Variants in PRKCB observed in about 807,000 individuals in gnomAD.
PRKCB encodes protein kinase C beta, also known as protein kinase C beta type.
In PRKCB, 13 loss-of-function variants were observed where a neutral mutation model predicts 81.5. The ratio of observed to expected loss-of-function variants is 0.16; its 90% CI spans 0.10 to 0.25. The LOEUF is 0.25. Among genes scored for constraint, PRKCB ranks in the 10% least tolerant of loss-of-function variants. The pLI, the probability that PRKCB is intolerant of heterozygous loss-of-function variation, is 1.00. For synonymous variants in PRKCB, 335 were observed against 321.4 expected, an observed-to-expected ratio of 1.04 and a Z score of -0.45; for missense variants, 509 against 875.7, an observed-to-expected ratio of 0.58 and a Z score of 5.29.
Position 24,210,504 on chromosome 16 carries a change from T to C in PRKCB, c.1864-4154T>C, listed in dbSNP as rs939253106. Among the ~76,000 whole-genome samples the C allele has an allele frequency of 3.4e-5, 5 of 147,016 alleles. No homozygotes were observed. In the East Asian group the frequency reaches 9.8e-4, roughly 29 times the overall value. On this transcript the variant is annotated intron_variant, in intron 16 of 16. Coordinates refer to ENST00000643927, the MANE Select transcript of PRKCB (RefSeq NM_002738.7). ...TCCATCCCCTGGACTTTCTTCTTCTTTTTTTTTTTTTTGAGACAGAGTCTC... is the reference window on the plus strand; with the variant it reads ...TCCATCCCCTGGACTTTCTTCTTCTCTTTTTTTTTTTTGAGACAGAGTCTC...
intron 2 of PRKCB, among the ~76,000 whole-genome samples, chr16:23,928,667 A>G (rs1193769326): frequency 2.0e-5 from 3 of 151,664 alleles, no homozygotes; most frequent in Non-Finnish European, 4.4e-5. Context: ...GGGACTGGGG[A>G]GGGCTTCCTG....
intron 16 of PRKCB, among the ~76,000 whole-genome samples, chr16:24,194,189 C>T (rs972660921): frequency 6.6e-6 from 1 of 151,980 alleles, no homozygotes; most frequent in South Asian, 2.1e-4. Flanking sequence ...TAGCTAGATG[C>T]GATGGCATGC....
At chr16:23,939,890 C>T (rs1006917400) in intron 2 of PRKCB, among the ~76,000 whole-genome samples, 22 of 152,062 alleles carry the variant, frequency 1.4e-4, no homozygotes, top group Admixed American at 1.4e-3. Flanking sequence ...TTCTGCAAAA[C>T]GCTGTTGAGA....
chr16:23,982,766 G>A (rs998887655), intron 2 of PRKCB, among the ~76,000 whole-genome samples: 2 of 152,170 alleles, frequency 1.3e-5, no homozygotes, highest in African/African-American at 4.8e-5. Context: ...AATAAGGGAG[G>A]GTGGGAGGTG....
intron 3 of PRKCB, among the ~76,000 whole-genome samples, chr16:23,989,367 G>A (rs1384808300): frequency 6.6e-6 from 1 of 152,182 alleles, no homozygotes; most frequent in Non-Finnish European, 1.5e-5. Flanking sequence ...TTCCAGGCGT[G>A]AGCCAGTGCA....
intron 4 of PRKCB, among the ~76,000 whole-genome samples, chr16:24,034,536 C>T (rs1965589034): frequency 6.6e-6 from 1 of 152,234 alleles, no homozygotes; most frequent in Non-Finnish European, 1.5e-5. Flanking sequence ...GAGTGGATAT[C>T]CTATAACATG....
At chr16:23,915,307 G>C (rs1963721530) in intron 2 of PRKCB, among the ~76,000 whole-genome samples, 1 of 152,140 alleles carries the variant, frequency 6.6e-6, no homozygotes, top group African/African-American at 2.4e-5. Flanking sequence ...CCCCTATGCT[G>C]TCCCTCCAAA....
chr16:23,987,165 G>A lies in PRKCB; in HGVS notation c.206-1343G>A, dbSNP rs1025804241. ...TAGTTGATATGGGTTGATAGGTGCAGCAAACCACCATGGCACATGTATACC... is the reference window on the plus strand; with the variant it reads ...TAGTTGATATGGGTTGATAGGTGCAACAAACCACCATGGCACATGTATACC... On this transcript the variant is annotated intron_variant, in intron 2 of 16. Coordinates refer to ENST00000643927, the MANE Select transcript of PRKCB (RefSeq NM_002738.7). Among the ~76,000 whole-genome samples, 7 of 152,152 alleles carry A rather than the reference G, an allele frequency of 4.6e-5. 1 individual carries two copies. In the East Asian group the frequency reaches 1.3e-3, roughly 29 times the overall value.
chr16:23,875,500 TATATATG>T (rs376505484), intron 2 of PRKCB, among the ~76,000 whole-genome samples: 54,521 of 79,854 alleles, frequency 0.68, 20,168 homozygotes, highest in East Asian at 0.83. Context: ...TATATATATA[TATATATG>T]ATGTATATCA....
chr16:24,021,032 C>CTT (rs1401984747), intron 3 of PRKCB, among the ~76,000 whole-genome samples: 1 of 139,386 alleles, frequency 7.2e-6, no homozygotes, highest in Non-Finnish European at 1.5e-5. Flanking sequence ...TTCTTTCTTT[C>CTT]TTTCTTTCTC....
chr16:23,953,825 GCATA>G (rs1203408478), intron 2 of PRKCB, among the ~76,000 whole-genome samples: 1 of 151,816 alleles, frequency 6.6e-6, no homozygotes, highest in African/African-American at 2.4e-5. Flanking sequence ...CTCTCAAGGA[GCATA>G]TAGTCAAAGA....
rs183797639 is a variant in PRKCB, at chr16:24,029,236, T to G, written c.289-2900T>G. Among the ~76,000 whole-genome samples the G allele has an allele frequency of 2.7e-3, 416 of 152,360 alleles. 2 individuals are homozygous for G. Among genetic ancestry groups the G allele is most frequent in the Non-Finnish European group, 3.9e-3 (265 of 68,030 alleles). On this transcript the variant is annotated intron_variant, in intron 3 of 16. Transcript: ENST00000643927. Reference sequence around the variant, plus strand: ...TGGTAGGTATGTGATATGGTTAGGCTTTGTGTCCCCACCTAAATCTCATCT... The same window carrying G: ...TGGTAGGTATGTGATATGGTTAGGCGTTGTGTCCCCACCTAAATCTCATCT...
At chr16:23,909,574 T>C (rs905676619) in intron 2 of PRKCB, among the ~76,000 whole-genome samples, 5 of 152,188 alleles carry the variant, frequency 3.3e-5, no homozygotes. Context: ...ACCCAAATAA[T>C]GTACATTGTA....
intron 2 of PRKCB, among the ~76,000 whole-genome samples, chr16:23,957,623 C>G (rs947682525): frequency 7.2e-5 from 11 of 152,098 alleles, no homozygotes; most frequent in Admixed American, 2.0e-4. Context: ...TCGTCTGTTC[C>G]TGGAGATTTT....
chr16:24,044,594 G>T (rs1965742721), intron 5 of PRKCB, among the ~76,000 whole-genome samples: 1 of 152,140 alleles, frequency 6.6e-6, no homozygotes, highest in African/African-American at 2.4e-5. Flanking sequence ...TACAGATATT[G>T]GTGTAAAGCA....
At position 24,063,076 on chromosome 16, in the gene PRKCB, G is replaced by A. The variant is rs115594094; in HGVS notation, c.529+27529G>A. ...CAGTATCAGAAGGCCCCTTCTCTGT[G>A]TCTCCAGATTTCACTGGGCTCTGGT... On this transcript the variant is annotated intron_variant, in intron 5 of 16. Transcript: ENST00000643927. Among the ~76,000 whole-genome samples the A allele has an allele frequency of 7.8e-3, 1,189 of 152,056 alleles. 21 individuals carry two copies. Among genetic ancestry groups the A allele is most frequent in the African/African-American group, 0.027 (1,114 of 41,468 alleles).
At chr16:24,062,239 T>G (rs1208175559) in intron 5 of PRKCB, among the ~76,000 whole-genome samples, 1 of 152,212 alleles carries the variant, frequency 6.6e-6, no homozygotes, top group Non-Finnish European at 1.5e-5. Context: ...CTGGAGGGTC[T>G]GTGAGGCCCT....
intron 2 of PRKCB, among the ~76,000 whole-genome samples, chr16:23,899,830 T>C (rs1963441782): frequency 4.7e-5 from 1 of 21,190 alleles, no homozygotes; most frequent in African/African-American, 9.8e-5. Context: ...TATTTATTTA[T>C]TTATTTATTT....
intron 2 of PRKCB, among the ~76,000 whole-genome samples, chr16:23,942,710 C>G (rs1181057828): frequency 1.3e-5 from 2 of 152,160 alleles, no homozygotes; most frequent in Non-Finnish European, 1.5e-5. Context: ...TCAACAACTG[C>G]TTGTTAAAAG....
Sources: gnomAD v4.1 joint callset for allele counts (sites outside exome capture counted in the v4.1 genomes callset) on GRCh38, gnomAD v4.1.1 for gene constraint, MANE v1.5 for transcripts, NCBI Gene and HGNC (gene_info 2026-07-23, HGNC 2026-07-21) for gene names.